EPHA7: variants seen among roughly 807,000 people sequenced by gnomAD.
EPHA7 encodes the protein ephrin type-A receptor 7.
In EPHA7, 25 loss-of-function variants were observed where a neutral mutation model predicts 112.6. That is an observed-to-expected ratio of 0.22 (90% confidence interval 0.16 to 0.31). The LOEUF (loss-of-function observed/expected upper bound fraction) is 0.31, where lower values mean the gene tolerates loss of function less well. Ranked by LOEUF, EPHA7 falls within the 10% of genes least tolerant of loss-of-function variation. The pLI, the probability that EPHA7 is intolerant of heterozygous loss-of-function variation, is 1.00. For missense variants in EPHA7, 962 were observed against 1,212.6 expected, an observed-to-expected ratio of 0.79 and a Z score of 3.07; for synonymous variants, 437 against 406.5, an observed-to-expected ratio of 1.07 and a Z score of -0.90.
chr6:93,331,288 C>T lies in EPHA7; in HGVS notation c.1324+25429G>A, dbSNP rs187323260. Reference sequence around the variant, plus strand: ...TTATATTCCACATATATAGTCACACCACTATAATAAAATCGTGTTTTTTAA... The same window carrying T: ...TTATATTCCACATATATAGTCACACTACTATAATAAAATCGTGTTTTTTAA... On this transcript the variant is annotated intron_variant, in intron 5 of 16. Transcript: ENST00000369303. 1.4e-4 allele frequency among the ~76,000 whole-genome samples: 21 copies of T among 151,324 alleles called. No homozygotes were observed. In the East Asian group the frequency reaches 3.7e-3, roughly 27 times the overall value.
intron 5 of EPHA7, among the ~76,000 whole-genome samples, chr6:93,335,577 G>C (rs1774825568): frequency 6.6e-6 from 1 of 152,030 alleles, no homozygotes; most frequent in African/African-American, 2.4e-5. Context: ...ATGTAGAATA[G>C]TAGTGGGAAA....
chr6:93,327,106 A>G (rs939519907), intron 5 of EPHA7, among the ~76,000 whole-genome samples: 4 of 151,474 alleles, frequency 2.6e-5, no homozygotes, highest in Non-Finnish European at 5.9e-5. Context: ...TTACTCTATA[A>G]ATCAGTGCAG....
At position 93,269,547 on chromosome 6, in the gene EPHA7, A is replaced by G; in HGVS notation, c.1563T>C (p.Ala521=). 3 of 1,611,208 alleles carry G rather than the reference A, an allele frequency of 1.9e-6. No homozygotes were observed. The highest frequency in any genetic ancestry group is 1.7e-6 in the Non-Finnish European group (2 of 1,178,286). Residue 521 remains alanine (A), a synonymous_variant, in exon 7 of 17, where the codon GCT becomes GCC. Transcript: ENST00000369303. ...GTCTGGGACTGTAATTTCCATAACC[A>G]GCAGCAGTAAAAGCCCGAATCTGGA... The part of the protein sequence containing the change: ...YVFQIRAFTA[A]GYGNYSPRLD...
intron 3 of EPHA7, among the ~76,000 whole-genome samples, chr6:93,372,246 A>C (rs1182470939): frequency 6.6e-6 from 1 of 152,246 alleles, no homozygotes; most frequent in East Asian, 1.9e-4. Context: ...CATTTCCTTT[A>C]TGCTTTCATT....
At chr6:93,416,293 C>T (rs1417110890) in intron 1 of EPHA7, among the ~76,000 whole-genome samples, 3 of 152,164 alleles carry the variant, frequency 2.0e-5, no homozygotes. Context: ...GGTGGGTGGT[C>T]AGGTACTCTA....
chr6:93,380,569 T>C (rs1013501121), intron 3 of EPHA7, among the ~76,000 whole-genome samples: 2 of 152,052 alleles, frequency 1.3e-5, no homozygotes, highest in African/African-American at 2.4e-5. Flanking sequence ...AGGAAAGTGA[T>C]AGTCTGAAAT....
intron 15 of EPHA7, 94 bp from the exon 16 acceptor site, chr6:93,245,547 A>T (rs1769907993): frequency 7.7e-7 from 1 of 1,299,860 alleles, no homozygotes; most frequent in Admixed American, 2.5e-5. Context: ...AAAGAACAAA[A>T]TTAGATGTTT....
intron 5 of EPHA7, among the ~76,000 whole-genome samples, chr6:93,291,126 C>G (rs943333475): frequency 1.3e-5 from 2 of 151,956 alleles, no homozygotes; most frequent in African/African-American, 2.4e-5. Context: ...TCTGAAAACC[C>G]CCTTATGGAT....
chr6:93,391,918 T>C (rs1302637527), intron 3 of EPHA7, among the ~76,000 whole-genome samples: 1 of 151,892 alleles, frequency 6.6e-6, no homozygotes, highest in African/African-American at 2.4e-5. Context: ...TGAGTTGTAG[T>C]TGGTTTTTGA....
At chr6:93,344,578 C>T (rs147871107) in intron 5 of EPHA7, among the ~76,000 whole-genome samples, 319 of 151,760 alleles carry the variant, frequency 2.1e-3, no homozygotes, top group Middle Eastern at 6.8e-3. Flanking sequence ...TACTCTACTA[C>T]GTATGCCATA....
chr6:93,307,190 C>G (rs1012838979), intron 5 of EPHA7, among the ~76,000 whole-genome samples: 1 of 151,640 alleles, frequency 6.6e-6, no homozygotes, highest in South Asian at 2.1e-4. Flanking sequence ...GTTAGATATT[C>G]TGTATTTTTT....
chr6:93,284,765 A>G (rs564972076), intron 5 of EPHA7, among the ~76,000 whole-genome samples: 27 of 146,380 alleles, frequency 1.8e-4, no homozygotes, highest in African/African-American at 6.3e-4. Flanking sequence ...CAAACACCTC[A>G]TGTTCTCACT....
chr6:93,327,070 C>T (rs767774748), intron 5 of EPHA7, among the ~76,000 whole-genome samples: 3 of 151,480 alleles, frequency 2.0e-5, no homozygotes, highest in Non-Finnish European at 3.0e-5. Context: ...TGGCATGTGC[C>T]GAGCAGAGCT....
intron 11 of EPHA7, among the ~76,000 whole-genome samples, 196 bp downstream of exon 11, chr6:93,257,903 C>A (rs1472876821): frequency 6.6e-6 from 1 of 151,832 alleles, no homozygotes; most frequent in Non-Finnish European, 1.5e-5. Flanking sequence ...TCTAATCTTG[C>A]ATTCATTTTT....
chr6:93,268,255 T>G (rs1000304548), intron 7 of EPHA7, among the ~76,000 whole-genome samples: 1 of 151,740 alleles, frequency 6.6e-6, no homozygotes, highest in Non-Finnish European at 1.5e-5. Context: ...TCAAAATGAT[T>G]TCAGCATACG....
intron 8 of EPHA7, 22 bp from the exon 9 acceptor site, chr6:93,263,937 A>T: frequency 6.3e-7 from 1 of 1,597,592 alleles, no homozygotes; most frequent in Non-Finnish European, 8.6e-7. Flanking sequence ...CAAATTTGTG[A>T]CAATCTCAGT....
intron 5 of EPHA7, among the ~76,000 whole-genome samples, chr6:93,287,695 A>G (rs114397864): frequency 0.013 from 1,977 of 150,682 alleles, 45 homozygotes; most frequent in African/African-American, 0.045. Flanking sequence ...CCACCCTCCA[A>G]CCTCCAAAAT....
At chr6:93,269,906 G>A (rs1033354094) in intron 6 of EPHA7, among the ~76,000 whole-genome samples, 3 of 151,620 alleles carry the variant, frequency 2.0e-5, no homozygotes, top group Non-Finnish European at 3.0e-5. Flanking sequence ...TTTAGCTTTC[G>A]CAGAAGTAAT....
intron 3 of EPHA7, among the ~76,000 whole-genome samples, chr6:93,387,774 A>G (rs1441276962): frequency 2.0e-5 from 3 of 152,064 alleles, no homozygotes; most frequent in African/African-American, 7.2e-5. Flanking sequence ...ATCAGATCTC[A>G]TAAGAACTCA....
Sources: gnomAD v4.1 joint callset for allele counts (sites outside exome capture counted in the v4.1 genomes callset) on GRCh38, gnomAD v4.1.1 for gene constraint, MANE v1.5 for transcripts, NCBI Gene and HGNC (gene_info 2026-07-23, HGNC 2026-07-21) for gene names.